The following KPNA3 variants were observed in gnomAD, a reference collection of about 807,000 sequenced individuals.
KPNA3 encodes importin subunit alpha-4.
Under a neutral mutation model 73.8 loss-of-function variants are expected in KPNA3, and 13 were observed. That is an observed-to-expected ratio of 0.18 (90% confidence interval 0.11 to 0.28). KPNA3 has a LOEUF of 0.28. Among genes scored for constraint, KPNA3 ranks in the 10% least tolerant of loss-of-function variants. KPNA3 has a pLI of 1.00. For synonymous variants in KPNA3, 186 were observed against 206.9 expected, an observed-to-expected ratio of 0.90 and a Z score of 0.87; for missense variants, 360 against 618.1, an observed-to-expected ratio of 0.58 and a Z score of 4.43.
At chr13:49,748,739 G>A (rs533061054) in intron 1 of KPNA3, among the ~76,000 whole-genome samples, 1 of 152,146 alleles carries the variant, frequency 6.6e-6, no homozygotes, top group South Asian at 2.1e-4. Flanking sequence ...ATTATATACT[G>A]ATAAAAACTA....
intron 1 of KPNA3, among the ~76,000 whole-genome samples, chr13:49,779,214 G>C (rs1363723358): frequency 6.6e-6 from 1 of 151,838 alleles, no homozygotes; most frequent in Admixed American, 6.6e-5. Context: ...ACTGAAAATT[G>C]TTCATTACTG....
intron 7 of KPNA3, among the ~76,000 whole-genome samples, chr13:49,725,044 G>A (rs1177419010): frequency 6.6e-6 from 1 of 152,182 alleles, no homozygotes; most frequent in African/African-American, 2.4e-5. Context: ...CTTTTCTAAA[G>A]AGCTTGTGTC....
chr13:49,758,825 C>T (rs1954734532), intron 1 of KPNA3, among the ~76,000 whole-genome samples: 1 of 152,198 alleles, frequency 6.6e-6, no homozygotes, highest in African/African-American at 2.4e-5. Context: ...CTATCCACCC[C>T]AAGATGTCTA....
chr13:49,756,114 C>T (rs1954709098), intron 1 of KPNA3, among the ~76,000 whole-genome samples: 1 of 151,088 alleles, frequency 6.6e-6, no homozygotes, highest in South Asian at 2.1e-4. Flanking sequence ...CAAAAAAAAG[C>T]AAAAAAAAAT....
chr13:49,787,042 G>A lies in KPNA3; in HGVS notation c.69+5396C>T, dbSNP rs80306135. 9.0e-3 allele frequency among the ~76,000 whole-genome samples: 1,371 copies of A among 152,290 alleles called. 5 individuals carry two copies. Among genetic ancestry groups the A allele is most frequent in the Non-Finnish European group, 0.014 (975 of 68,008 alleles). Reference sequence around the variant, plus strand: ...TACAAAGAAGGGTGAAGGAGGGGAAGAGAAGGGAGTCAAGGATAGAATCTT... The same window carrying A: ...TACAAAGAAGGGTGAAGGAGGGGAAAAGAAGGGAGTCAAGGATAGAATCTT... On this transcript the variant is annotated intron_variant, in intron 1 of 16. Transcript: ENST00000261667.
intron 6 of KPNA3, among the ~76,000 whole-genome samples, chr13:49,729,617 T>C (rs185274791): frequency 3.9e-5 from 6 of 151,914 alleles, no homozygotes; most frequent in Admixed American, 2.0e-4. Context: ...CCATCTCTAC[T>C]AGAAATAAAA....
intron 9 of KPNA3, among the ~76,000 whole-genome samples, chr13:49,721,471 G>C (rs923186162): frequency 6.6e-6 from 1 of 152,090 alleles, no homozygotes; most frequent in Non-Finnish European, 1.5e-5. Flanking sequence ...GGTACAGTAA[G>C]ACACTCAACT....
intron 1 of KPNA3, among the ~76,000 whole-genome samples, chr13:49,786,823 T>G (rs938183341): frequency 2.0e-5 from 3 of 152,078 alleles, no homozygotes; most frequent in Non-Finnish European, 2.9e-5. Flanking sequence ...GGAAGGATCA[T>G]AAACAGGAAA....
At chr13:49,704,431 TAAAAAATAAATAAATAAATAAATA>T (rs1566330777) in intron 15 of KPNA3, among the ~76,000 whole-genome samples, 1 of 52,376 alleles carries the variant, frequency 1.9e-5, no homozygotes, top group Non-Finnish European at 3.5e-5. Flanking sequence ...AATAAATAAA[TAAAAAATAAATAAATAAATAAATA>T]AATAAATAAA....
rs139167439 is a variant in KPNA3, at chr13:49,785,209, A to C, written c.69+7229T>G. On this transcript the variant is annotated intron_variant, in intron 1 of 16. Transcript: ENST00000261667. ...CATCAGGCTCACTGAAAAATCTCATAAACTAAAGGAAGAAAACCACTTTGG... is the reference window on the plus strand; with the variant it reads ...CATCAGGCTCACTGAAAAATCTCATCAACTAAAGGAAGAAAACCACTTTGG... Among the ~76,000 whole-genome samples, 235 of 152,316 alleles carry C rather than the reference A, an allele frequency of 1.5e-3. 3 individuals carry two copies. The highest frequency in any genetic ancestry group is 5.2e-3 in the African/African-American group (217 of 41,580).
intron 1 of KPNA3, among the ~76,000 whole-genome samples, chr13:49,785,403 C>G (rs909907290): frequency 7.2e-5 from 11 of 152,088 alleles, no homozygotes; most frequent in Non-Finnish European, 1.5e-4. Flanking sequence ...TCTCAAGTTT[C>G]AAATTCAGGT....
At chr13:49,749,385 G>T (rs1050405120) in intron 1 of KPNA3, among the ~76,000 whole-genome samples, 2 of 152,216 alleles carry the variant, frequency 1.3e-5, no homozygotes, top group African/African-American at 4.8e-5. Flanking sequence ...TGCTAAAGTA[G>T]AACAGTTATT....
chr13:49,777,794 A>T (rs1162230001), intron 1 of KPNA3, among the ~76,000 whole-genome samples: 2 of 152,016 alleles, frequency 1.3e-5, no homozygotes, highest in African/African-American at 4.8e-5. Flanking sequence ...TACGGGCATG[A>T]GCCACATGCC....
At position 49,706,343 on chromosome 13, in the gene KPNA3, T is replaced by C. The variant is rs1291094143; in HGVS notation, c.1062A>G (p.Thr354=). The change falls in exon 13 of 17, where the codon ACA becomes ACG. Residue 354 remains threonine, a synonymous_variant. Transcript: ENST00000261667. Reference sequence around the variant, plus strand: ...CTTGAACTTGTTGCTGGTTGCCTGCTGTTATGTTGGAAAGGAACCACACTG... The same window carrying C: ...CTTGAACTTGTTGCTGGTTGCCTGCCGTTATGTTGGAAAGGAACCACACTG... ...KEAVWFLSNI[T]AGNQQQVQAV... 1 of 1,614,120 alleles carries C rather than the reference T, an allele frequency of 6.2e-7. No individual in the cohort carries two copies. The highest frequency in any genetic ancestry group is 1.1e-5 in the South Asian group (1 of 91,068).
Position 49,725,521 on chromosome 13 carries a change from C to A in KPNA3, c.384-20G>T. ...GAAGGACTGTAAAAAAACAATAACA[C>A]ATCTTTTTAGACACATAACTACCAC... On this transcript the variant is annotated intron_variant, in intron 6 of 16. Coordinates refer to ENST00000261667, the MANE Select transcript of KPNA3 (RefSeq NM_002267.4). The A allele has an allele frequency of 6.7e-7, 1 of 1,495,866 alleles. No individual in the cohort carries two copies. The highest frequency in any genetic ancestry group is 9.3e-7 in the Non-Finnish European group (1 of 1,073,972). The allele number at this position is 1,495,866 out of a possible 1,614,324, so 92.7% of individuals were successfully genotyped here. A position where few individuals can be genotyped will look rare whatever the true frequency, so the allele number is the denominator to read the frequency against.
chr13:49,737,611 G>A (rs931183638), intron 2 of KPNA3, among the ~76,000 whole-genome samples: 2 of 115,640 alleles, frequency 1.7e-5, no homozygotes, highest in East Asian at 2.6e-4. Flanking sequence ...GTGTGTGTGT[G>A]TAAGAGCCAG....
intron 1 of KPNA3, among the ~76,000 whole-genome samples, chr13:49,751,933 G>A (rs1954666612): frequency 6.6e-6 from 1 of 152,116 alleles, no homozygotes; most frequent in South Asian, 2.1e-4. Flanking sequence ...ACACCTACAA[G>A]GTTGGGAGAC....
At chr13:49,757,511 C>T (rs73194406) in intron 1 of KPNA3, among the ~76,000 whole-genome samples, 2 of 152,216 alleles carry the variant, frequency 1.3e-5, no homozygotes, top group Non-Finnish European at 2.9e-5. Context: ...TCTTATTATA[C>T]ATCTAAAATT....
At position 49,779,493 on chromosome 13, in the gene KPNA3, A is replaced by C. The variant is rs1173602498; in HGVS notation, c.69+12945T>G. On this transcript the variant is annotated intron_variant, in intron 1 of 16. Transcript: ENST00000261667. ...GCTTCAAGATCTCTCCACATCTCAC[A>C]CATCTCTTATATTTCTTATTCCCTT... Among the ~76,000 whole-genome samples, 4 of 152,106 alleles carry C rather than the reference A, an allele frequency of 2.6e-5. 1 individual carries two copies. The highest frequency in any genetic ancestry group is 2.6e-4 in the Admixed American group (4 of 15,268).
Sources: allele counts gnomAD v4.1 joint callset (sites outside exome capture counted in the v4.1 genomes callset), GRCh38; gene constraint gnomAD v4.1.1; transcripts MANE v1.5; gene names NCBI Gene and HGNC (gene_info 2026-07-23, HGNC 2026-07-21).